Variants in PARVB observed in about 807,000 individuals in gnomAD.
The protein encoded by PARVB is parvin beta, also known as beta-parvin.
Under a neutral mutation model 47.0 loss-of-function variants are expected in PARVB, and 46 were observed. The observed-to-expected ratio is 0.98, with a 90% confidence interval of 0.77 to 1.25. The LOEUF is 1.25. Among genes scored for constraint, PARVB ranks in the 50% most tolerant of loss-of-function variants. The pLI, the probability that PARVB is intolerant of heterozygous loss-of-function variation, is 0.00. For missense variants in PARVB, 473 were observed against 471.6 expected, an observed-to-expected ratio of 1.00 and a Z score of -0.03; for synonymous variants, 196 against 196.3, an observed-to-expected ratio of 1.00 and a Z score of 0.01.
At chr22:44,058,853 C>T (rs537957291) in intron 1 of PARVB, among the ~76,000 whole-genome samples, 12 of 151,970 alleles carry the variant, frequency 7.9e-5, no homozygotes, top group South Asian at 2.1e-4. Flanking sequence ...CTGCGCCCAT[C>T]GGACGTGGAT....
At chr22:44,035,347 G>A (rs1272901157) in intron 1 of PARVB, among the ~76,000 whole-genome samples, 3 of 149,590 alleles carry the variant, frequency 2.0e-5, no homozygotes, top group Non-Finnish European at 4.4e-5. Flanking sequence ...GGAATGTCAC[G>A]CTTTTCTTCT....
chr22:44,132,707 G>A (rs2053355081), intron 5 of PARVB, among the ~76,000 whole-genome samples, 187 bp from the exon 6 acceptor site: 1 of 152,154 alleles, frequency 6.6e-6, no homozygotes, highest in South Asian at 2.1e-4. Context: ...AACAGGAAAG[G>A]AGACAGTGAA....
At chr22:44,003,229 TC>T (rs2050430396) in intron 2 of PARVB, among the ~76,000 whole-genome samples, 2 of 152,184 alleles carry the variant, frequency 1.3e-5, no homozygotes, top group Non-Finnish European at 2.9e-5. Flanking sequence ...AAGGTGACCT[TC>T]CTGTATTGAG....
intron 1 of PARVB, among the ~76,000 whole-genome samples, chr22:44,067,940 G>T (rs2146971433): frequency 6.6e-6 from 1 of 152,272 alleles, no homozygotes; most frequent in East Asian, 1.9e-4. Context: ...TGACCGGCGG[G>T]TGAGCCCTCA....
intron 3 of PARVB, among the ~76,000 whole-genome samples, chr22:44,102,333 C>T (rs1176649343): frequency 1.3e-5 from 2 of 152,206 alleles, no homozygotes; most frequent in Non-Finnish European, 2.9e-5. Flanking sequence ...TCCAGACACA[C>T]CCAGAAACAA....
rs68108655 is a variant in PARVB, at chr22:44,125,245, A to T, written c.376+6105A>T. ...TCATTCATCTGATGAATGAATGTTC[A>T]TTGGCTTACATGTGTCGGGTGGCTC... On this transcript the variant is annotated intron_variant, in intron 4 of 12. Transcript: ENST00000338758. This position sits in a 1 kb window ranked among gnomAD's most constrained non-coding sequence, Gnocchi z 4.1. Among the ~76,000 whole-genome samples, 35,592 of 152,042 alleles carry T rather than the reference A, an allele frequency of 0.23. 4,473 individuals are homozygous for T. The highest frequency in any genetic ancestry group is 0.42 in the East Asian group (2,166 of 5,154).
At chr22:44,123,065 CT>C (rs2053106310) in intron 4 of PARVB, among the ~76,000 whole-genome samples, 1 of 152,236 alleles carries the variant, frequency 6.6e-6, no homozygotes, top group African/African-American at 2.4e-5. Flanking sequence ...TTCTGAGAGG[CT>C]TCACCTCTCT....
chr22:44,059,873 C>A (rs182016706), intron 1 of PARVB, among the ~76,000 whole-genome samples: 2 of 152,186 alleles, frequency 1.3e-5, no homozygotes, highest in African/African-American at 4.8e-5. Flanking sequence ...GTTTGCTCAG[C>A]ATCATGGAAG....
intron 2 of PARVB, among the ~76,000 whole-genome samples, chr22:44,096,576 G>A (rs972962909): frequency 7.9e-5 from 12 of 152,136 alleles, no homozygotes; most frequent in African/African-American, 2.9e-4. Flanking sequence ...CTGTGAGGTG[G>A]GTTGTATCAT....
In PARVB at chr22:44,066,781, C is replaced by CTTCTCCTCCTCCTCCTTCTCT. The variant is rs1569087858; in HGVS notation, c.113-27146_113-27145insTCTCCTCCTCCTCCTTCTCTT. 5.4e-3 allele frequency among the ~76,000 whole-genome samples: 292 copies of CTTCTCCTCCTCCTCCTTCTCT among 54,016 alleles called. 4 individuals are homozygous for CTTCTCCTCCTCCTCCTTCTCT. The highest frequency in any genetic ancestry group is 0.045 in the East Asian group (117 of 2,582). 35.4% of individuals were successfully genotyped at this position (54,016 alleles called of 152,430 possible). Reference sequence around the variant, plus strand: ...GATGACATCAGTCCCTTAATTATTTCTCCTCCTCCTCCTCCTCCTCCTCCT... The same window carrying CTTCTCCTCCTCCTCCTTCTCT: ...GATGACATCAGTCCCTTAATTATTTCTTCTCCTCCTCCTCCTTCTCTTCCTCCTCCTCCTCCTCCTCCTCCT... On this transcript the variant is annotated intron_variant, in intron 1 of 12. Coordinates refer to ENST00000338758, the MANE Select transcript of PARVB (RefSeq NM_013327.5).
Position 44,099,286 on chromosome 22 carries a change from G to A in PARVB, c.203-767G>A, listed in dbSNP as rs564433309. Among the ~76,000 whole-genome samples, 18 of 152,276 alleles carry A rather than the reference G, an allele frequency of 1.2e-4. No individual in the cohort carries two copies. The South Asian group carries it at 1.2e-3, about 11-fold the overall frequency. ...CTGTGTGTGTTCAGAGGTGCTCGGC[G>A]CCCGCTGGCTTCTGTGTGGTGCTGG... On this transcript the variant is annotated intron_variant, in intron 2 of 12. Coordinates refer to ENST00000338758, the MANE Select transcript of PARVB (RefSeq NM_013327.5).
intron 2 of PARVB, among the ~76,000 whole-genome samples, chr22:44,000,713 C>G (rs1204721293): frequency 6.6e-6 from 1 of 152,222 alleles, no homozygotes; most frequent in Non-Finnish European, 1.5e-5. Context: ...TTCTTTGATA[C>G]TTCACCAAAA....
At chr22:44,025,240 G>C (rs2050709839) in intron 1 of PARVB, among the ~76,000 whole-genome samples, 1 of 152,038 alleles carries the variant, frequency 6.6e-6, no homozygotes, top group Non-Finnish European at 1.5e-5. Flanking sequence ...GTGGGTCCCC[G>C]GGAAGGAGCC....
At chr22:44,092,155 G>A (rs1410158346) in intron 1 of PARVB, among the ~76,000 whole-genome samples, 1 of 152,140 alleles carries the variant, frequency 6.6e-6, no homozygotes, top group Admixed American at 6.5e-5. Flanking sequence ...TCTGTCACCA[G>A]GCTGGAGTGC....
At chr22:44,047,361 C>T (rs1234279501) in intron 1 of PARVB, among the ~76,000 whole-genome samples, 5 of 152,140 alleles carry the variant, frequency 3.3e-5, no homozygotes, top group Admixed American at 1.3e-4. Flanking sequence ...TGGCTTAGGT[C>T]GCTGTATTCA....
Position 44,128,142 on chromosome 22 carries a change from A to G in PARVB, c.377-3345A>G, listed in dbSNP as rs150453698. ...GCTGCCGGGTTCTCTGCCACATGCCAGGTTTCTGGGGGTGTAGCTCCCCTG... is the reference window on the plus strand; with the variant it reads ...GCTGCCGGGTTCTCTGCCACATGCCGGGTTTCTGGGGGTGTAGCTCCCCTG... On this transcript the variant is annotated intron_variant, in intron 4 of 12. Coordinates refer to ENST00000338758, the MANE Select transcript of PARVB (RefSeq NM_013327.5). Among the ~76,000 whole-genome samples the G allele has an allele frequency of 7.1e-3, 1,076 of 152,258 alleles. 1 individual carries two copies. The highest frequency in any genetic ancestry group is 0.011 in the Non-Finnish European group (770 of 68,002).
chr22:44,157,143 C>A (rs116122300), intron 10 of PARVB, among the ~76,000 whole-genome samples: 1 of 152,204 alleles, frequency 6.6e-6, no homozygotes, highest in Non-Finnish European at 1.5e-5. Context: ...GCTCCAGAGG[C>A]CCCCTGGAGA....
intron 3 of PARVB, among the ~76,000 whole-genome samples, chr22:44,102,582 A>G (rs1439748598): frequency 6.6e-6 from 1 of 152,088 alleles, no homozygotes; most frequent in Non-Finnish European, 1.5e-5. Flanking sequence ...TCACACCTGA[A>G]ATCCCAGCGC....
chr22:44,068,960 G>A lies in PARVB; in HGVS notation c.113-24968G>A, dbSNP rs2051592634. ...GGTCTGTGGTCAGCAAGGAGCTATC[G>A]CTGGAAACACCCCGGTCCTTCCACA... On this transcript the variant is annotated intron_variant, in intron 1 of 12. Transcript: ENST00000338758. The surrounding 1 kb of genome is among the most constrained non-coding windows in gnomAD (Gnocchi z 4.1). 8.2e-6 allele frequency: 5 copies of A among 608,842 alleles called. No individual in the cohort carries two copies. The East Asian group carries it at 1.1e-4, about 14-fold the overall frequency. 37.7% of individuals were successfully genotyped at this position (608,842 alleles called of 1,614,324 possible).
Sources: allele counts gnomAD v4.1 joint callset (sites outside exome capture counted in the v4.1 genomes callset), GRCh38; gene constraint gnomAD v4.1.1; non-coding constraint Gnocchi (gnomAD v3.1); transcripts MANE v1.5; gene names NCBI Gene and HGNC (gene_info 2026-07-23, HGNC 2026-07-21).